MOCOS: variants seen among roughly 807,000 people sequenced by gnomAD.
The protein encoded by MOCOS is molybdenum cofactor sulfurase.
A neutral mutation model predicts 83.6 loss-of-function variants in MOCOS; 86 were observed. The ratio of observed to expected loss-of-function variants is 1.03; its 90% CI spans 0.86 to 1.23. The LOEUF is 1.23. Among genes scored for constraint, MOCOS ranks in the 50% most tolerant of loss-of-function variants. The pLI, the probability that MOCOS is intolerant of heterozygous loss-of-function variation, is 0.00. For missense variants in MOCOS, 1,120 were observed against 1,126.9 expected, an observed-to-expected ratio of 0.99 and a Z score of 0.09; for synonymous variants, 445 against 434.7, an observed-to-expected ratio of 1.02 and a Z score of -0.29.
intron 9 of MOCOS, among the ~76,000 whole-genome samples, chr18:36,248,507 T>G (rs2091610572): frequency 6.6e-6 from 1 of 152,226 alleles, no homozygotes; most frequent in Non-Finnish European, 1.5e-5. Context: ...ATCCAAAAAT[T>G]GTTTGCCCAG....
chr18:36,215,875 G>T lies in MOCOS; in HGVS notation c.1695G>T (p.Pro565=), dbSNP rs773909706. 2 of 1,614,070 alleles carry T rather than the reference G, an allele frequency of 1.2e-6. No individual in the cohort carries two copies. The highest frequency in any genetic ancestry group is 1.3e-5 in the African/African-American group (1 of 74,928). The change falls in exon 8 of 15, where the codon CCG becomes CCT. Residue 565 remains proline, a synonymous_variant. Coordinates refer to ENST00000261326, the MANE Select transcript of MOCOS (RefSeq NM_017947.4). ...TGTGTGATGTCGCCAGAACCCAGCC[G>T]ACTCCTTCAGAGAAAGCTGCAGGAG... ...PPVCDVARTQ[P]TPSEKAAGVL...
At chr18:36,221,703 A>G (rs1476978557) in intron 9 of MOCOS, among the ~76,000 whole-genome samples, 1 of 149,004 alleles carries the variant, frequency 6.7e-6, no homozygotes, top group Non-Finnish European at 1.5e-5. Context: ...TACTAGAGTT[A>G]TAGAATAAGT....
chr18:36,187,691 G>A lies in MOCOS; in HGVS notation c.142+10G>A, dbSNP rs1598865885. ...TTCAGCCGCCTGGCAGGTGAGGCGG[G>A]CGGGCAGGCTTGGGGGACACGAGGT... On this transcript the variant is annotated intron_variant, in intron 1 of 14. Coordinates refer to ENST00000261326, the MANE Select transcript of MOCOS (RefSeq NM_017947.4). 1 of 1,265,998 alleles carries A rather than the reference G, an allele frequency of 7.9e-7. No homozygotes were observed. Among genetic ancestry groups the A allele is most frequent in the Non-Finnish European group, 9.9e-7 (1 of 1,006,022 alleles). The allele number at this position is 1,265,998 out of a possible 1,614,324, so 78.4% of individuals were successfully genotyped here.
At position 36,259,201 on chromosome 18, in the gene MOCOS, G is replaced by C. The variant is rs1052010586; in HGVS notation, c.2271-836G>C. 4.6e-5 allele frequency among the ~76,000 whole-genome samples: 7 copies of C among 152,254 alleles called. No homozygotes were observed. In the South Asian group the frequency reaches 1.0e-3, roughly 23 times the overall value. On this transcript the variant is annotated intron_variant, in intron 12 of 14. Transcript: ENST00000261326. ...CTCACACCTGTAATCCCAGCACTTT[G>C]AGAGGCTGAGGTGGGAGGATCACTT...
At chr18:36,261,686 T>G (rs2091663867) in intron 13 of MOCOS, among the ~76,000 whole-genome samples, 1 of 152,192 alleles carries the variant, frequency 6.6e-6, no homozygotes, top group Non-Finnish European at 1.5e-5. Context: ...GGCTCCCCCT[T>G]GACAAGCAAT....
chr18:36,268,378 G>A (rs1022751147), intron 14 of MOCOS, among the ~76,000 whole-genome samples, 155 bp from the exon 15 acceptor site: 10 of 152,178 alleles, frequency 6.6e-5, no homozygotes, highest in Non-Finnish European at 4.4e-5. Context: ...TAATGTTCCA[G>A]TGCATTCTAC....
intron 13 of MOCOS, among the ~76,000 whole-genome samples, chr18:36,263,667 C>G (rs1388629358): frequency 6.6e-6 from 1 of 152,110 alleles, no homozygotes; most frequent in Admixed American, 6.5e-5. Flanking sequence ...CTGGGATGGT[C>G]TGCAGCCCAT....
intron 9 of MOCOS, among the ~76,000 whole-genome samples, chr18:36,221,897 G>A (rs546230255): frequency 2.0e-5 from 3 of 152,108 alleles, no homozygotes; most frequent in South Asian, 4.2e-4. Flanking sequence ...GGCTGATTTT[G>A]TATTTTTAGT....
rs73432619 is a variant in MOCOS, at chr18:36,224,623, A to C, written c.1960+4406A>C. 5.6e-3 allele frequency among the ~76,000 whole-genome samples: 852 copies of C among 151,844 alleles called. 4 individuals carry two copies. The highest frequency in any genetic ancestry group is 0.019 in the African/African-American group (789 of 41,460). ...ATATGTTGAATCATCCTTACATCCC[A>C]GGAATAAAGCTCACTTTCTCATGGT... On this transcript the variant is annotated intron_variant, in intron 9 of 14. Transcript: ENST00000261326.
chr18:36,231,856 A>G lies in MOCOS; in HGVS notation c.1960+11639A>G, dbSNP rs531533611. On this transcript the variant is annotated intron_variant, in intron 9 of 14. Transcript: ENST00000261326. The stretch of plus-strand genomic sequence containing the variant: ...AAAAAACTTGCTCAGTGCACATACT[A>G]TTGGTGGCACTGATAATGATGAAGA... Among the ~76,000 whole-genome samples, 9 of 152,328 alleles carry G rather than the reference A, an allele frequency of 5.9e-5. No individual in the cohort carries two copies. In the East Asian group the frequency reaches 1.3e-3, roughly 23 times the overall value.
intron 9 of MOCOS, among the ~76,000 whole-genome samples, chr18:36,245,776 GT>G (rs760182040): frequency 1.3e-5 from 2 of 152,046 alleles, no homozygotes; most frequent in Non-Finnish European, 2.9e-5. Flanking sequence ...CTTATGTTTG[GT>G]CATTTAAAAT....
At position 36,215,601 on chromosome 18, in the gene MOCOS, C is replaced by T. The variant is rs201559593; in HGVS notation, c.1421C>T (p.Thr474Met). The T allele has an allele frequency of 9.2e-5, 148 of 1,614,122 alleles. No homozygotes were observed. Among genetic ancestry groups the T allele is most frequent in the Middle Eastern group, 3.3e-4 (2 of 6,062 alleles). ...SVRISFGYMS[T>M]LDDVQAFLRF... ...AGGATTTCATTTGGATACATGTCGA[C>T]GCTGGATGATGTCCAGGCCTTTCTT... is the stretch of plus-strand genomic sequence containing the variant. The change falls in exon 8 of 15, where the codon ACG becomes ATG. Residue 474 changes from threonine to methionine, a missense_variant. Physicochemically the swap from Thr to Met is moderately conservative, Grantham distance 81 (BLOSUM62 -1). Transcript: ENST00000261326.
Position 36,203,127 on chromosome 18 carries a change from C to T in MOCOS, c.956C>T (p.Thr319Ile). ...QSVAQRFEDG[T>I]ISFLDVIALK... ...CGTGGTTATAGGTTTGAAGATGGCA[C>T]CATCTCATTCCTTGATGTTATCGCG... The change falls in exon 5 of 15, where the codon ACC (threonine) becomes ATC (isoleucine). Residue 319 changes from threonine to isoleucine, a missense_variant. Physicochemically the swap from Thr to Ile is moderately conservative, Grantham distance 89. Coordinates refer to ENST00000261326, the MANE Select transcript of MOCOS (RefSeq NM_017947.4). 6.2e-7 allele frequency: 1 copy of T among 1,614,186 alleles called. No homozygotes were observed. The highest frequency in any genetic ancestry group is 1.3e-5 in the African/African-American group (1 of 75,040).
intron 7 of MOCOS, 146 bp downstream of exon 7, chr18:36,213,628 A>C: frequency 2.6e-6 from 2 of 760,598 alleles, no homozygotes; most frequent in Non-Finnish European, 4.5e-6. Flanking sequence ...AGGAATACAA[A>C]TGGAAAATGC....
intron 6 of MOCOS, among the ~76,000 whole-genome samples, chr18:36,212,778 T>G (rs2091459849): frequency 6.6e-6 from 1 of 152,276 alleles, no homozygotes; most frequent in Non-Finnish European, 1.5e-5. Context: ...CTGAGCAAGA[T>G]GTGTTTATTT....
chr18:36,238,081 C>G (rs1276084105), intron 9 of MOCOS, among the ~76,000 whole-genome samples: 9 of 149,276 alleles, frequency 6.0e-5, no homozygotes, highest in Non-Finnish European at 1.3e-4. Flanking sequence ...TTTCAAAAAA[C>G]CAGCTCCTGG....
intron 10 of MOCOS, among the ~76,000 whole-genome samples, 175 bp from the exon 11 acceptor site, chr18:36,250,984 T>A (rs2091619638): frequency 6.6e-6 from 1 of 152,244 alleles, no homozygotes. Context: ...AAGCCCCAGA[T>A]GGCAGGTCGT....
chr18:36,233,542 G>C (rs962597339), intron 9 of MOCOS, among the ~76,000 whole-genome samples: 1 of 151,940 alleles, frequency 6.6e-6, no homozygotes, highest in Admixed American at 6.6e-5. Flanking sequence ...TTTTCCTCTG[G>C]GTAAATACCC....
intron 8 of MOCOS, among the ~76,000 whole-genome samples, chr18:36,219,153 C>T (rs1322819418): frequency 6.6e-6 from 1 of 150,852 alleles, no homozygotes; most frequent in Non-Finnish European, 1.5e-5. Flanking sequence ...AGGAATGAGC[C>T]ACCATGCCTG....
Sources: gnomAD v4.1 joint callset for allele counts (sites outside exome capture counted in the v4.1 genomes callset) on GRCh38, gnomAD v4.1.1 for gene constraint, MANE v1.5 for transcripts, NCBI Gene and HGNC (gene_info 2026-07-23, HGNC 2026-07-21) for gene names.